Variants in PROM1 observed in about 807,000 individuals in gnomAD.
The protein encoded by PROM1 is prominin 1, also known as prominin-1.
Under a neutral mutation model 116.9 loss-of-function variants are expected in PROM1, and 105 were observed. The observed-to-expected ratio is 0.90, with a 90% CI of 0.77 to 1.06. The LOEUF is 1.06. Among genes scored for constraint, PROM1 ranks in the 50% least tolerant of loss-of-function variants. The probability of loss-of-function intolerance (pLI) is 0.00; values close to 1 mark genes in which losing one functional copy is unlikely to be tolerated. For missense variants in PROM1, 1,122 were observed against 1,045.2 expected, an observed-to-expected ratio of 1.07 and a Z score of -1.01; for synonymous variants, 393 against 387.0, an observed-to-expected ratio of 1.02 and a Z score of -0.18.
intron 2 of PROM1, among the ~76,000 whole-genome samples, chr4:16,070,934 G>A (rs190476382): frequency 2.0e-5 from 3 of 152,240 alleles, no homozygotes; most frequent in East Asian, 1.9e-4. Flanking sequence ...TACATCAATC[G>A]TGGCATCAAA....
At chr4:16,073,522 A>C (rs1390003995) in intron 2 of PROM1, among the ~76,000 whole-genome samples, 3 of 152,214 alleles carry the variant, frequency 2.0e-5, no homozygotes, top group Non-Finnish European at 4.4e-5. Context: ...GAAAGAATAC[A>C]AATAGGATGA....
intron 15 of PROM1, among the ~76,000 whole-genome samples, chr4:15,996,225 T>C (rs778149164): frequency 6.6e-6 from 1 of 152,172 alleles, no homozygotes; most frequent in Non-Finnish European, 1.5e-5. Flanking sequence ...AAATAAACAG[T>C]AATGGCCGGG....
In PROM1 at chr4:16,019,871, T is replaced by TACACACACACACAC. The variant is rs3040447; in HGVS notation, c.785-1345_785-1332dup. On this transcript the variant is annotated intron_variant, in intron 8 of 27. Transcript: ENST00000447510. ...ACAGAAAATACTTGAGTGTTAAAAA[T>TACACACACACACAC]ACACACACACACACACACACACACA... 3.3e-3 allele frequency among the ~76,000 whole-genome samples: 487 copies of TACACACACACACAC among 148,160 alleles called. 4 individuals are homozygous for TACACACACACACAC. The highest frequency in any genetic ancestry group is 7.0e-3 in the Middle Eastern group (2 of 286).
chr4:16,027,297 A>AACACACATACACACACAC (rs1553915428), intron 5 of PROM1, among the ~76,000 whole-genome samples: 61 of 147,236 alleles, frequency 4.1e-4, no homozygotes, highest in African/African-American at 1.4e-3. Flanking sequence ...GTGAAGAAGA[A>AACACACATACACACACAC]ACACACACAC....
intron 26 of PROM1, among the ~76,000 whole-genome samples, chr4:15,974,126 C>CTCTCTT (rs1218793170): frequency 7.3e-5 from 11 of 151,550 alleles, no homozygotes; most frequent in Non-Finnish European, 1.5e-4. Flanking sequence ...CTTTCTCTCT[C>CTCTCTT]TCTCTCTCTC....
chr4:16,051,717 T>C (rs78047025), intron 2 of PROM1, among the ~76,000 whole-genome samples: 4,184 of 152,292 alleles, frequency 0.027, 76 homozygotes, highest in Non-Finnish European at 0.044. Flanking sequence ...AGACCCAGAC[T>C]GTCTTTGGAC....
chr4:15,981,673 G>A (rs1189499446), intron 23 of PROM1, among the ~76,000 whole-genome samples: 2 of 152,102 alleles, frequency 1.3e-5, no homozygotes, highest in African/African-American at 4.8e-5. Flanking sequence ...ACATTACTGT[G>A]TCAAGAAGTT....
chr4:16,037,711 T>C (rs1734260660), intron 3 of PROM1, among the ~76,000 whole-genome samples: 1 of 152,024 alleles, frequency 6.6e-6, no homozygotes. Flanking sequence ...ACTGAGAACC[T>C]GGCCAACACA....
At chr4:15,970,507 G>A (rs1714216813) in intron 27 of PROM1, among the ~76,000 whole-genome samples, 2 of 150,052 alleles carry the variant, frequency 1.3e-5, no homozygotes, top group Non-Finnish European at 3.0e-5. Context: ...ATCTTTTTAA[G>A]TAAAAAAATT....
chr4:16,006,434 C>T (rs758704996), intron 13 of PROM1, 104 bp downstream of exon 13: 16 of 1,344,306 alleles, frequency 1.2e-5, no homozygotes, highest in Admixed American at 5.4e-5. Context: ...TGGAACCCCG[C>T]GTACGTGGCC....
At chr4:16,062,188 G>A (rs1161106172) in intron 2 of PROM1, among the ~76,000 whole-genome samples, 2 of 152,106 alleles carry the variant, frequency 1.3e-5, no homozygotes, top group Non-Finnish European at 2.9e-5. Context: ...ACCGCACCCG[G>A]CCACAAATTT....
intron 2 of PROM1, among the ~76,000 whole-genome samples, chr4:16,044,069 C>T (rs994386703): frequency 2.6e-5 from 4 of 152,154 alleles, no homozygotes; most frequent in Non-Finnish European, 5.9e-5. Context: ...AGGCTGCGTG[C>T]GTATGTGTGC....
At position 16,003,318 on chromosome 4, in the gene PROM1, G is replaced by A. The variant is rs752444759; in HGVS notation, c.1455-2699C>T. 8.8e-6 allele frequency: 4 copies of A among 456,540 alleles called. 1 individual carries two copies. The highest frequency in any genetic ancestry group is 6.2e-5 in the South Asian group (4 of 64,572). The allele number at this position is 456,540 out of a possible 1,614,324, so 28.3% of individuals were successfully genotyped here. A position where few individuals can be genotyped will look rare whatever the true frequency, so the allele number is the denominator to read the frequency against. The stretch of plus-strand genomic sequence containing the variant: ...TGCAAAACACCTCCCTCTTCATGAT[G>A]ATTTCTTCACAGTTTGGCTTACTTC... On this transcript the variant is annotated intron_variant, in intron 13 of 27. Coordinates refer to ENST00000447510, the MANE Select transcript of PROM1 (RefSeq NM_006017.3).
intron 17 of PROM1, 113 bp downstream of exon 17, chr4:15,992,133 AAT>A (rs1721211055): frequency 2.2e-6 from 3 of 1,372,798 alleles, no homozygotes; most frequent in Non-Finnish European, 2.0e-6. Context: ...CTCACTTTAA[AAT>A]AGTCTTACAT....
Position 16,025,297 on chromosome 4 carries a change from A to G in PROM1, c.525T>C (p.Tyr175=). 2.5e-6 allele frequency: 4 copies of G among 1,613,942 alleles called. No homozygotes were observed. The highest frequency in any genetic ancestry group is 3.4e-6 in the Non-Finnish European group (4 of 1,179,822). The change falls in exon 6 of 28, where the codon TAT becomes TAC. Residue 175 remains tyrosine, a synonymous_variant. Coordinates refer to ENST00000447510, the MANE Select transcript of PROM1 (RefSeq NM_006017.3). The part of the protein sequence containing the change: ...ICIIISIGIF[Y]GFVANHQVRT... ...TTACCTGGTGATTTGCCACAAAACC[A>G]TAGAAGATGCCAATGCTGCAGGAAA...
At chr4:16,082,031 C>T (rs1416625833) in intron 1 of PROM1, 1 of 152,158 alleles carries the variant, frequency 6.6e-6, no homozygotes, top group Non-Finnish European at 1.5e-5. Context: ...AATTCTCCAA[C>T]CCTTCTTCTG....
intron 26 of PROM1, chr4:15,971,308 A>G: frequency 4.0e-6 from 2 of 504,214 alleles, no homozygotes; most frequent in South Asian, 6.5e-5. Flanking sequence ...TAAACAGACT[A>G]TGACAAGTAA....
intron 26 of PROM1, among the ~76,000 whole-genome samples, chr4:15,973,329 C>T (rs1283440891): frequency 6.6e-6 from 1 of 152,132 alleles, no homozygotes; most frequent in East Asian, 1.9e-4. Context: ...TGCCTGTAAT[C>T]CCAGCTACTC....
intron 2 of PROM1, among the ~76,000 whole-genome samples, chr4:16,057,505 C>A (rs1346740179): frequency 1.3e-5 from 2 of 152,234 alleles, no homozygotes; most frequent in Non-Finnish European, 2.9e-5. Flanking sequence ...CACCTTCTGG[C>A]TCCCAGGGTG....
Sources: allele counts gnomAD v4.1 joint callset (sites outside exome capture counted in the v4.1 genomes callset), GRCh38; gene constraint gnomAD v4.1.1; transcripts MANE v1.5; gene names NCBI Gene and HGNC (gene_info 2026-07-23, HGNC 2026-07-21).